LMBR1: variants seen among roughly 807,000 people sequenced by gnomAD.
LMBR1 encodes limb region 1 protein homolog.
A neutral mutation model predicts 73.9 loss-of-function variants in LMBR1; 52 were observed. The ratio of observed to expected loss-of-function variants is 0.70; its 90% CI spans 0.56 to 0.89. LMBR1 has a LOEUF of 0.89. Ranked by LOEUF, LMBR1 falls within the 40% of genes least tolerant of loss-of-function variation. The pLI is 0.00. For missense variants in LMBR1, 539 were observed against 579.8 expected (o/e 0.93, Z 0.72); for synonymous variants, 215 against 209.4 (o/e 1.03, Z -0.23).
At chr7:156,878,262 T>G (rs1800514808) in intron 1 of LMBR1, among the ~76,000 whole-genome samples, 1 of 152,200 alleles carries the variant, frequency 6.6e-6, no homozygotes, top group South Asian at 2.1e-4. Flanking sequence ...GAAATCAAAC[T>G]GTTGCTGTTT....
intron 8 of LMBR1, among the ~76,000 whole-genome samples, 184 bp downstream of exon 8, chr7:156,761,950 C>T (rs1159303016): frequency 7.3e-6 from 1 of 137,242 alleles, no homozygotes; most frequent in Non-Finnish European, 1.5e-5. Context: ...GCACTCCAGC[C>T]TGGGCGACAG....
At chr7:156,845,920 T>C (rs981147662) in intron 1 of LMBR1, among the ~76,000 whole-genome samples, 1 of 151,580 alleles carries the variant, frequency 6.6e-6, no homozygotes, top group East Asian at 1.9e-4. Context: ...GGAAAAGAAC[T>C]GTCATGAATC....
At chr7:156,705,083 G>T (rs1270968154) in intron 15 of LMBR1, among the ~76,000 whole-genome samples, 1 of 152,138 alleles carries the variant, frequency 6.6e-6, no homozygotes, top group African/African-American at 2.4e-5. Context: ...AATACAGGAG[G>T]TCCAGTGGTC....
At chr7:156,864,647 G>A (rs1277037278) in intron 1 of LMBR1, among the ~76,000 whole-genome samples, 1 of 152,110 alleles carries the variant, frequency 6.6e-6, no homozygotes, top group East Asian at 1.9e-4. Flanking sequence ...AGAAATGAAA[G>A]AATACTTCTT....
At chr7:156,686,014 G>A (rs968350146) in intron 16 of LMBR1, among the ~76,000 whole-genome samples, 5 of 152,104 alleles carry the variant, frequency 3.3e-5, no homozygotes, top group Non-Finnish European at 7.4e-5. Flanking sequence ...CACAAAAAAT[G>A]GTCAGGTCCC....
chr7:156,787,123 G>A (rs915230481), intron 5 of LMBR1, among the ~76,000 whole-genome samples: 3 of 152,088 alleles, frequency 2.0e-5, no homozygotes, highest in Non-Finnish European at 4.4e-5. Flanking sequence ...CAAGGTGTGC[G>A]CATGCTTTAA....
In LMBR1 at chr7:156,854,856, C is replaced by T. The variant is rs74713387; in HGVS notation, c.67-17971G>A. ...TTTAAGAAGTAGTCTCTAGGGGAAA[C>T]CAAAGACAACAGAAGAGATAAAAAC... On this transcript the variant is annotated intron_variant, in intron 1 of 16. Coordinates refer to ENST00000353442, the MANE Select transcript of LMBR1 (RefSeq NM_022458.4). Among the ~76,000 whole-genome samples the T allele has an allele frequency of 1.1e-3, 163 of 152,216 alleles. 3 individuals are homozygous for T. The East Asian group carries it at 0.027, about 26-fold the overall frequency.
intron 15 of LMBR1, among the ~76,000 whole-genome samples, chr7:156,721,517 G>A (rs1814574778): frequency 6.6e-6 from 1 of 151,972 alleles, no homozygotes; most frequent in African/African-American, 2.4e-5. Flanking sequence ...CACCCTGAGA[G>A]TCTATTAAAC....
chr7:156,871,005 AAAC>A (rs1162192903), intron 1 of LMBR1, among the ~76,000 whole-genome samples: 2 of 152,026 alleles, frequency 1.3e-5, no homozygotes, highest in Non-Finnish European at 2.9e-5. Context: ...AATAGGGAAA[AAAC>A]AACAAAACTA....
chr7:156,695,063 C>T (rs987592069), intron 15 of LMBR1, among the ~76,000 whole-genome samples: 2 of 152,140 alleles, frequency 1.3e-5, no homozygotes, highest in Non-Finnish European at 2.9e-5. Flanking sequence ...TAATCCCAGC[C>T]CTTTGGGAGG....
intron 9 of LMBR1, among the ~76,000 whole-genome samples, chr7:156,744,367 G>A (rs911343940): frequency 6.7e-6 from 1 of 148,646 alleles, no homozygotes; most frequent in African/African-American, 2.5e-5. Context: ...CATTGTTCTT[G>A]GAATTCAGGA....
chr7:156,689,034 T>G (rs549166310), intron 15 of LMBR1, among the ~76,000 whole-genome samples: 1 of 152,324 alleles, frequency 6.6e-6, no homozygotes, highest in East Asian at 1.9e-4. Context: ...ATATATGCAT[T>G]GAAGTTACTT....
rs1321499906 is a variant in LMBR1, at chr7:156,762,145, C to T, written c.673G>A (p.Val225Met). 6.2e-7 allele frequency: 1 copy of T among 1,601,312 alleles called. No individual in the cohort carries two copies. The highest frequency in any genetic ancestry group is 8.6e-7 in the Non-Finnish European group (1 of 1,168,570). ...RMFTVMGQLL[V>M]KPTILEDLDE... Reference sequence around the variant, plus strand: ...AATTAAATACTTACTGTTGGCTTCACTAGCAACTGACCCATCACTGTGAAC... The same window carrying T: ...AATTAAATACTTACTGTTGGCTTCATTAGCAACTGACCCATCACTGTGAAC... The change falls in exon 8 of 17, where the codon GTG becomes ATG. Residue 225 changes from valine to methionine, a missense_variant. Around this residue, in one of 3 missense-constraint regions of LMBR1, gnomAD observed 454 missense variants for 473.4 expected, o/e 0.96. Coordinates refer to ENST00000353442, the MANE Select transcript of LMBR1 (RefSeq NM_022458.4).
intron 4 of LMBR1, 73 bp downstream of exon 4, chr7:156,826,532 G>T (rs890520157): frequency 9.4e-7 from 1 of 1,066,946 alleles, no homozygotes; most frequent in African/African-American, 1.6e-5. Context: ...ACTGAGAAAA[G>T]AAAAATCTAA....
intron 3 of LMBR1, among the ~76,000 whole-genome samples, chr7:156,832,270 CAG>C (rs371021706): frequency 4.6e-5 from 7 of 152,238 alleles, no homozygotes; most frequent in Admixed American, 2.6e-4. Flanking sequence ...TCAAATCAGG[CAG>C]AGTCAAGTCA....
rs71189962 is a variant in LMBR1 at position 156,806,598 on chromosome 7, C to CTTTTTTT, written c.320-10113_320-10107dup. Among the ~76,000 whole-genome samples, 17 of 44,674 alleles carry CTTTTTTT rather than the reference C, an allele frequency of 3.8e-4. 2 individuals carry two copies. The highest frequency in any genetic ancestry group is 1.5e-3 in the African/African-American group (15 of 9,872). The allele number at this position is 44,674 out of a possible 152,430, so 29.3% of individuals were successfully genotyped here. ...GTTATCAGTAGGTTTTTTGTAGATG[C>CTTTTTTT]TTTTTTTTTTTTTTTTTTTTTTTTT... is the stretch of plus-strand genomic sequence containing the variant. On this transcript the variant is annotated intron_variant, in intron 4 of 16. Transcript: ENST00000353442.
In LMBR1 at chr7:156,786,117, G is replaced by T. The variant is rs78677096; in HGVS notation, c.423+10272C>A. On this transcript the variant is annotated intron_variant, in intron 5 of 16. Coordinates refer to ENST00000353442, the MANE Select transcript of LMBR1 (RefSeq NM_022458.4). Reference sequence around the variant, plus strand: ...TGGGAGGCAGGGAGGGAGGGAAGGAGGGAGGCTGTGAAGGAGGGAAAGAAG... The same window carrying T: ...TGGGAGGCAGGGAGGGAGGGAAGGATGGAGGCTGTGAAGGAGGGAAAGAAG... Among the ~76,000 whole-genome samples the T allele has an allele frequency of 2.3e-3, 341 of 151,188 alleles. 1 individual carries two copies. The highest frequency in any genetic ancestry group is 7.9e-3 in the African/African-American group (327 of 41,206).
chr7:156,822,945 C>G (rs1057380995), intron 4 of LMBR1: 1 of 151,942 alleles, frequency 6.6e-6, no homozygotes, highest in Non-Finnish European at 1.5e-5. Flanking sequence ...CCCCCTGTCT[C>G]TACTAAAAAT....
chr7:156,804,109 G>A lies in LMBR1; in HGVS notation c.320-7617C>T, dbSNP rs185447536. On this transcript the variant is annotated intron_variant, in intron 4 of 16. Coordinates refer to ENST00000353442, the MANE Select transcript of LMBR1 (RefSeq NM_022458.4). ...GTATACATATGTAACAAGCCTGCAC[G>A]TTGTGCACATGTAACCTAAAACTTA... Among the ~76,000 whole-genome samples the A allele has an allele frequency of 5.9e-5, 9 of 152,050 alleles. No individual in the cohort carries two copies. The South Asian group carries it at 8.3e-4, about 14-fold the overall frequency.
Sources: allele counts gnomAD v4.1 joint callset (sites outside exome capture counted in the v4.1 genomes callset), GRCh38; gene constraint gnomAD v4.1.1; regional missense constraint gnomAD v4.1.1; transcripts MANE v1.5; gene names NCBI Gene and HGNC (gene_info 2026-07-23, HGNC 2026-07-21).